The following DNAJC6 variants were observed in gnomAD, a reference collection of about 807,000 sequenced individuals.
The protein encoded by DNAJC6 is DnaJ heat shock protein family (Hsp40) member C6.
In DNAJC6, 34 loss-of-function variants were observed where a neutral mutation model predicts 110.0. That is an observed-to-expected ratio of 0.31 (90% CI 0.24 to 0.41). DNAJC6 has a LOEUF of 0.41. DNAJC6 is among the 10% of genes least tolerant of loss of function. The pLI, the probability that DNAJC6 is intolerant of heterozygous loss-of-function variation, is 1.00. For synonymous variants in DNAJC6, 406 were observed against 437.2 expected (o/e 0.93, Z 0.89); for missense variants, 1,031 against 1,207.8 (o/e 0.85, Z 2.17).
At chr1:65,325,102 A>C (rs1645230572) in intron 1 of DNAJC6, among the ~76,000 whole-genome samples, 1 of 152,168 alleles carries the variant, frequency 6.6e-6, no homozygotes. Flanking sequence ...ATGGCGTGGA[A>C]AGCATCTAAG....
intron 5 of DNAJC6, among the ~76,000 whole-genome samples, chr1:65,382,139 A>G (rs929467396): frequency 9.9e-5 from 15 of 152,236 alleles, no homozygotes; most frequent in African/African-American, 3.1e-4. Context: ...AGTTTTGCAC[A>G]GAAGATTTTA....
At chr1:65,282,690 T>G (rs996769586) in intron 1 of DNAJC6, among the ~76,000 whole-genome samples, 1 of 152,224 alleles carries the variant, frequency 6.6e-6, no homozygotes, top group African/African-American at 2.4e-5. Context: ...TCCTTTCCTC[T>G]TATGTGTCTC....
chr1:65,400,035 C>T (rs1015967910), intron 14 of DNAJC6, among the ~76,000 whole-genome samples: 1 of 152,004 alleles, frequency 6.6e-6, no homozygotes, highest in African/African-American at 2.4e-5. Flanking sequence ...CAAAAGTTAG[C>T]CAGGTATGGT....
At chr1:65,302,113 TA>T (rs869085468) in intron 1 of DNAJC6, among the ~76,000 whole-genome samples, 2 of 53,352 alleles carry the variant, frequency 3.7e-5, no homozygotes, top group African/African-American at 2.8e-4. Flanking sequence ...ATATAATATA[TA>T]TATATATATA....
intron 1 of DNAJC6, among the ~76,000 whole-genome samples, chr1:65,323,273 G>A (rs138032018): frequency 6.7e-4 from 102 of 152,248 alleles, no homozygotes; most frequent in Middle Eastern, 3.4e-3. Flanking sequence ...CCCATTTGTC[G>A]GAGGAGGGGC....
At chr1:65,307,018 C>CTATATATATATA (rs71056097), upstream of DNAJC6, among the ~76,000 whole-genome samples, 7 of 70,706 alleles carry the variant, frequency 9.9e-5, no homozygotes, top group Admixed American at 1.6e-4. Flanking sequence ...CTCTCTCTCT[C>CTATATATATATA]TATATATATA....
chr1:65,357,901 G>C (rs765860581), intron 1 of DNAJC6, among the ~76,000 whole-genome samples: 1 of 152,090 alleles, frequency 6.6e-6, no homozygotes, highest in African/African-American at 2.4e-5. Context: ...GAATGTGGCC[G>C]GGCACGGTGG....
intron 1 of DNAJC6, among the ~76,000 whole-genome samples, chr1:65,340,750 C>T (rs1037310390): frequency 1.3e-5 from 2 of 152,194 alleles, no homozygotes; most frequent in Non-Finnish European, 2.9e-5. Flanking sequence ...CTCTCCCCGA[C>T]TCTGCCTGAC....
At chr1:65,275,684 C>T (rs765937181) in intron 1 of DNAJC6, among the ~76,000 whole-genome samples, 16 of 151,966 alleles carry the variant, frequency 1.1e-4, no homozygotes, top group South Asian at 4.1e-4. Context: ...TCTGGGACTC[C>T]GGGTACCTTT....
At chr1:65,312,251 T>A (rs1438809939) in intron 1 of DNAJC6, among the ~76,000 whole-genome samples, 2 of 152,216 alleles carry the variant, frequency 1.3e-5, no homozygotes, top group Non-Finnish European at 2.9e-5. Context: ...TATTGTGGCT[T>A]TGTTGTAGAA....
chr1:65,338,757 G>A (rs1005440500), intron 1 of DNAJC6, among the ~76,000 whole-genome samples: 8 of 151,966 alleles, frequency 5.3e-5, no homozygotes, highest in Non-Finnish European at 1.0e-4. Context: ...CTTAAATTTC[G>A]GATAAAATTT....
intron 12 of DNAJC6, among the ~76,000 whole-genome samples, chr1:65,394,671 C>T (rs565759176): frequency 3.4e-4 from 52 of 152,284 alleles, no homozygotes; most frequent in African/African-American, 1.2e-3. Flanking sequence ...TCAGCTAAGA[C>T]TTCATTGGCA....
At position 65,411,315 on chromosome 1, in the gene DNAJC6, A is replaced by G. The variant is rs1459630301; in HGVS notation, c.2700A>G (p.Val900=). ...CCCTTCTTTCCACGATGCATACCGTACTATGGGCTGGGGAGACCAAGTGGA... is the reference window on the plus strand; with the variant it reads ...CCCTTCTTTCCACGATGCATACCGTGCTATGGGCTGGGGAGACCAAGTGGA... The part of the protein sequence containing the change: ...IRALLSTMHT[V]LWAGETKWKP... Residue 900 remains valine, a synonymous_variant, in exon 18 of 19, where the codon GTA becomes GTG. Transcript: ENST00000371069. The G allele has an allele frequency of 6.2e-7, 1 of 1,614,220 alleles. No individual in the cohort carries two copies. Among genetic ancestry groups the G allele is most frequent in the Non-Finnish European group, 8.5e-7 (1 of 1,180,034 alleles).
intron 13 of DNAJC6, among the ~76,000 whole-genome samples, chr1:65,396,811 C>T (rs1645983096): frequency 6.6e-6 from 1 of 152,126 alleles, no homozygotes; most frequent in African/African-American, 2.4e-5. Flanking sequence ...AAAAGAATTA[C>T]CGGCACATGG....
At chr1:65,340,086 A>G (rs1301001917) in intron 1 of DNAJC6, among the ~76,000 whole-genome samples, 1 of 152,236 alleles carries the variant, frequency 6.6e-6, no homozygotes, top group Non-Finnish European at 1.5e-5. Context: ...TTTTATAGAA[A>G]GAGACTTTGT....
intron 15 of DNAJC6, among the ~76,000 whole-genome samples, chr1:65,404,424 T>G (rs1193959007): frequency 2.0e-5 from 3 of 152,072 alleles, no homozygotes; most frequent in East Asian, 3.9e-4. Context: ...AAGGAGTGAG[T>G]TTTTTTTACC....
chr1:65,357,351 C>T (rs191976794), intron 1 of DNAJC6, among the ~76,000 whole-genome samples: 1 of 152,266 alleles, frequency 6.6e-6, no homozygotes, highest in African/African-American at 2.4e-5. Flanking sequence ...ACTCACTTTA[C>T]TAGACCTGGA....
At chr1:65,374,245 G>A (rs1645737554) in intron 4 of DNAJC6, among the ~76,000 whole-genome samples, 1 of 151,854 alleles carries the variant, frequency 6.6e-6, no homozygotes, top group Non-Finnish European at 1.5e-5. Context: ...TTTTGCTCAG[G>A]GTGGCTTTGG....
At position 65,392,537 on chromosome 1, in the gene DNAJC6, C is replaced by T. The variant is rs1645938240; in HGVS notation, c.1575C>T (p.Gly525=). Reference sequence around the variant, plus strand: ...TTCTGACACTTTCCAGTCCGCATGGCAATGCCAATGGTGACAAGCCTCATG... The same window carrying T: ...TTCTGACACTTTCCAGTCCGCATGGTAATGCCAATGGTGACAAGCCTCATG... ...DELLTLSSPH[G]NANGDKPHGV... is the part of the protein sequence containing the mutation. The change falls in exon 12 of 19, where the codon GGC becomes GGT. Residue 525 remains glycine, a synonymous_variant. Transcript: ENST00000371069. 2 of 1,614,066 alleles carry T rather than the reference C, an allele frequency of 1.2e-6. No individual in the cohort carries two copies. The highest frequency in any genetic ancestry group is 1.1e-5 in the South Asian group (1 of 91,072).
Sources: allele counts gnomAD v4.1 joint callset (sites outside exome capture counted in the v4.1 genomes callset), GRCh38; gene constraint gnomAD v4.1.1; transcripts MANE v1.5; gene names NCBI Gene and HGNC (gene_info 2026-07-23, HGNC 2026-07-21).